TRIM5: variants seen among roughly 807,000 people sequenced by gnomAD.
TRIM5 encodes tripartite motif-containing protein 5.
In TRIM5, 31 loss-of-function variants were observed where a neutral mutation model predicts 35.6. The observed-to-expected ratio is 0.87, with a 90% CI of 0.65 to 1.18. The LOEUF is 1.18. Among genes scored for constraint, TRIM5 ranks in the 50% most tolerant of loss-of-function variants. The probability of loss-of-function intolerance (pLI) is 0.00; values close to 1 mark genes in which losing one functional copy is unlikely to be tolerated. For missense variants in TRIM5, 609 were observed against 591.6 expected, an observed-to-expected ratio of 1.03 and a Z score of -0.31; for synonymous variants, 243 against 215.6, an observed-to-expected ratio of 1.13 and a Z score of -1.11.
chr11:5,651,932 G>A, the TRIM5 span, among the ~76,000 whole-genome samples: 5 of 152,022 alleles, frequency 3.3e-5, no homozygotes, highest in African/African-American at 2.4e-5. Flanking sequence ...TGTTGGCCAC[G>A]TGTATGTCTT....
the TRIM5 span, among the ~76,000 whole-genome samples, chr11:5,608,011 A>G: frequency 4.6e-5 from 7 of 152,212 alleles, no homozygotes; most frequent in African/African-American, 1.7e-4. Context: ...ATCTTCAGCA[A>G]CCAGAACAGG....
the TRIM5 span, chr11:5,604,704 C>G: frequency 2.0e-6 from 3 of 1,483,488 alleles, no homozygotes; most frequent in Non-Finnish European, 2.7e-6. Flanking sequence ...GCAAAGGAGT[C>G]CTTGTCCTGT....
chr11:5,597,938 G>C, the TRIM5 span, among the ~76,000 whole-genome samples: 2 of 148,508 alleles, frequency 1.3e-5, no homozygotes, highest in Non-Finnish European at 3.0e-5. Context: ...TTAAAGTGCA[G>C]ATTCTGAATC....
the TRIM5 span, among the ~76,000 whole-genome samples, chr11:5,594,559 G>A: frequency 7.2e-5 from 11 of 151,984 alleles, no homozygotes; most frequent in Non-Finnish European, 4.4e-5. Context: ...CTTCCACCTC[G>A]GCCTCCCAAA....
At chr11:5,590,384 G>T in the TRIM5 span, 2 of 152,794 alleles carry the variant, frequency 1.3e-5, no homozygotes, top group Non-Finnish European at 2.9e-5. Context: ...TCTAGCTCAG[G>T]GATTGTAAAT....
chr11:5,616,328 A>C, the TRIM5 span, among the ~76,000 whole-genome samples: 1 of 146,018 alleles, frequency 6.8e-6, no homozygotes, highest in Non-Finnish European at 1.5e-5. Context: ...TCTCAAAAAA[A>C]AGAAAAGTAT....
At chr11:5,626,380 A>G in the TRIM5 span, among the ~76,000 whole-genome samples, 1 of 152,254 alleles carries the variant, frequency 6.6e-6, no homozygotes, top group Non-Finnish European at 1.5e-5. Context: ...AAGTTACATT[A>G]GGGTAATGAC....
the TRIM5 span, among the ~76,000 whole-genome samples, chr11:5,599,761 C>G: frequency 6.6e-6 from 1 of 152,190 alleles, no homozygotes; most frequent in Non-Finnish European, 1.5e-5. Flanking sequence ...TTTCTATACT[C>G]TAGTGCCAAC....
chr11:5,670,101 C>T (rs1379965241), intron 4 of TRIM5, among the ~76,000 whole-genome samples: 1 of 150,704 alleles, frequency 6.6e-6, no homozygotes, highest in Non-Finnish European at 1.5e-5. Context: ...GAAAGGAGAA[C>T]TTCTAAGTTT....
At chr11:5,647,081 G>A in the TRIM5 span, among the ~76,000 whole-genome samples, 1 of 152,208 alleles carries the variant, frequency 6.6e-6, no homozygotes, top group Non-Finnish European at 1.5e-5. Context: ...GACGTATCAG[G>A]AGAGGAATCC....
In TRIM5 at chr11:5,665,015, T is replaced by G. The variant is rs374446720; in HGVS notation, c.1276A>C (p.Ile426Leu). The G allele has an allele frequency of 6.2e-7, 1 of 1,614,040 alleles. No individual in the cohort carries two copies. Among genetic ancestry groups the G allele is most frequent in the South Asian group, 1.1e-5 (1 of 91,084 alleles). Residue 426 changes from isoleucine to leucine, a missense_variant, in exon 8 of 8, where the codon ATT (isoleucine) becomes CTT (leucine). Transcript: ENST00000380034. ...SSFHTPSVPFIVPLSVIICPD... is the reference protein window; with the variant it reads ...SSFHTPSVPFLVPLSVIICPD... ...CAAATAATCACAGAGAGGGGCACAA[T>G]GAAAGGAACAGAAGGAGTATGGAAG... is the stretch of plus-strand genomic sequence containing the variant.
the TRIM5 span, among the ~76,000 whole-genome samples, chr11:5,608,847 A>ATTTTTTTTTTTTT: frequency 2.2e-4 from 22 of 101,890 alleles, 1 homozygote; most frequent in African/African-American, 6.4e-4. Flanking sequence ...TTGCCCATAA[A>ATTTTTTTTTTTTT]TTTTTTTTTT....
At chr11:5,612,564 G>A in the TRIM5 span, 11 of 152,234 alleles carry the variant, frequency 7.2e-5, no homozygotes, top group Non-Finnish European at 1.6e-4. Context: ...GGAAGAGGAT[G>A]ATTTCTTCCA....
chr11:5,610,593 C>T, the TRIM5 span: 2 of 1,605,200 alleles, frequency 1.2e-6, no homozygotes, highest in African/African-American at 2.7e-5. Context: ...TTTGGGCTGG[C>T]ACATTCTGAT....
the TRIM5 span, among the ~76,000 whole-genome samples, chr11:5,638,741 T>C: frequency 7.2e-5 from 11 of 152,218 alleles, no homozygotes; most frequent in African/African-American, 2.4e-4. Flanking sequence ...GTGCCGTTTT[T>C]TCTTCTTTGT....
intron 5 of TRIM5, among the ~76,000 whole-genome samples, chr11:5,667,282 C>G (rs1354133651): frequency 6.6e-6 from 1 of 152,144 alleles, no homozygotes; most frequent in African/African-American, 2.4e-5. Flanking sequence ...TCTTGGCTCA[C>G]TGCAACCTCT....
chr11:5,615,597 G>GTTGTTGT, the TRIM5 span, among the ~76,000 whole-genome samples: 1,375 of 133,368 alleles, frequency 0.01, 32 homozygotes, highest in East Asian at 0.083. Context: ...TGTTGTTGTT[G>GTTGTTGT]TTGTTTGTTT....
chr11:5,618,613 A>G, the TRIM5 span, among the ~76,000 whole-genome samples: 1 of 152,236 alleles, frequency 6.6e-6, no homozygotes, highest in South Asian at 2.1e-4. Flanking sequence ...ATGTCAATGG[A>G]TATACAGGGT....
chr11:5,665,636 A>C lies in TRIM5; in HGVS notation c.895+20T>G. On this transcript the variant is annotated intron_variant, in intron 7 of 7. Transcript: ENST00000380034. ...ATGATAAGCCGCAGGGTGGCTTATG[A>C]TAATGTGACTTCTCCTTACCCCAGT... 6.4e-7 allele frequency: 1 copy of C among 1,565,172 alleles called. No homozygotes were observed. Among genetic ancestry groups the C allele is most frequent in the Non-Finnish European group, 8.6e-7 (1 of 1,164,942 alleles).
Sources: allele counts gnomAD v4.1 joint callset (sites outside exome capture counted in the v4.1 genomes callset), GRCh38; gene constraint gnomAD v4.1.1; transcripts MANE v1.5; gene names NCBI Gene and HGNC (gene_info 2026-07-23, HGNC 2026-07-21).